The following CSMD1 variants were observed in gnomAD, a reference collection of about 807,000 sequenced individuals.
CSMD1 encodes CUB and sushi domain-containing protein 1.
In CSMD1, 213 loss-of-function variants were observed where a neutral mutation model predicts 417.5. The observed-to-expected ratio is 0.51, with a 90% CI of 0.46 to 0.57. The LOEUF (loss-of-function observed/expected upper bound fraction) is 0.57. Among genes scored for constraint, CSMD1 ranks in the 20% least tolerant of loss-of-function variants. The pLI is 0.00. For synonymous variants in CSMD1, 2,862 were observed against 1,736.8 expected (o/e 1.65, Z -16.11); for missense variants, 6,923 against 4,529.7 (o/e 1.53, Z -15.17).
Position 3,412,017 on chromosome 8 carries a change from TATACACAC to T in CSMD1, c.1562-2420_1562-2413del, listed in dbSNP as rs1331036281. ...GTGTATATACACGTATATATATACA[TATACACAC>T]GTATATATACACATATATACACGTA... On this transcript the variant is annotated intron_variant, in intron 12 of 69. Transcript: ENST00000635120. Among the ~76,000 whole-genome samples, 55 of 24,508 alleles carry T rather than the reference TATACACAC, an allele frequency of 2.2e-3. 18 individuals are homozygous for T. Among genetic ancestry groups the T allele is most frequent in the African/African-American group, 5.7e-3 (49 of 8,594 alleles). 16.1% of individuals were successfully genotyped at this position (24,508 alleles called of 152,430 possible).
At chr8:4,173,511 G>A (rs887341483) in intron 3 of CSMD1, among the ~76,000 whole-genome samples, 2 of 152,000 alleles carry the variant, frequency 1.3e-5, no homozygotes, top group Non-Finnish European at 2.9e-5. Flanking sequence ...TCGGTAGATG[G>A]GGATAAACAC....
At chr8:4,822,397 T>C (rs114571072) in intron 1 of CSMD1, among the ~76,000 whole-genome samples, 4 of 152,172 alleles carry the variant, frequency 2.6e-5, no homozygotes, top group Admixed American at 6.5e-5. Flanking sequence ...CTGGCCTAGT[T>C]TGATGATTTT....
intron 1 of CSMD1, among the ~76,000 whole-genome samples, chr8:4,724,712 C>A (rs1809300317): frequency 6.6e-6 from 1 of 152,014 alleles, no homozygotes; most frequent in Non-Finnish European, 1.5e-5. Flanking sequence ...AAAGATGTAT[C>A]TTGGTAAGAT....
chr8:3,988,417 C>G (rs919366254), intron 5 of CSMD1, among the ~76,000 whole-genome samples: 4 of 152,212 alleles, frequency 2.6e-5, no homozygotes, highest in African/African-American at 9.6e-5. Context: ...GGTTTTAGGT[C>G]TGTGTTTGTC....
intron 1 of CSMD1, among the ~76,000 whole-genome samples, chr8:4,773,987 G>A (rs1051850782): frequency 1.3e-5 from 2 of 152,164 alleles, no homozygotes; most frequent in African/African-American, 4.8e-5. Flanking sequence ...CCTCAGGTCA[G>A]GAGTTCAAGA....
intron 5 of CSMD1, among the ~76,000 whole-genome samples, chr8:3,857,909 G>C (rs982067371): frequency 2.6e-5 from 4 of 152,214 alleles, no homozygotes; most frequent in African/African-American, 2.4e-5. Context: ...CCTTAAAATT[G>C]ACCAGGCTTT....
rs151050708 is a variant in CSMD1, at chr8:4,267,561, G to T, written c.415+152392C>A. On this transcript the variant is annotated intron_variant, in intron 3 of 69. Coordinates refer to ENST00000635120, the MANE Select transcript of CSMD1 (RefSeq NM_033225.6). Reference sequence around the variant, plus strand: ...CTCCAATTGTAATAGAAATAGCAATGGTCACTGACACAATAAGTGACACAT... The same window carrying T: ...CTCCAATTGTAATAGAAATAGCAATTGTCACTGACACAATAAGTGACACAT... Among the ~76,000 whole-genome samples the T allele has an allele frequency of 9.0e-4, 136 of 151,776 alleles. 2 individuals are homozygous for T. Among genetic ancestry groups the T allele is most frequent in the Middle Eastern group, 3.4e-3 (1 of 292 alleles).
chr8:4,159,857 T>C (rs977817836), intron 3 of CSMD1, among the ~76,000 whole-genome samples: 2 of 152,012 alleles, frequency 1.3e-5, no homozygotes, highest in Non-Finnish European at 2.9e-5. Context: ...CTAAAGACCG[T>C]ATGTTCTCAC....
intron 7 of CSMD1, among the ~76,000 whole-genome samples, chr8:3,619,004 G>C (rs1802284901): frequency 1.3e-5 from 2 of 152,120 alleles, no homozygotes; most frequent in African/African-American, 2.4e-5. Flanking sequence ...TCTCTGGCTA[G>C]CAGCCATGAA....
rs186093820 is a variant in CSMD1, at chr8:4,195,714, T to C, written c.416-163615A>G. Among the ~76,000 whole-genome samples, 44 of 152,210 alleles carry C rather than the reference T, an allele frequency of 2.9e-4. No homozygotes were observed. The East Asian group carries it at 7.9e-3, about 27-fold the overall frequency. On this transcript the variant is annotated intron_variant, in intron 3 of 69. Coordinates refer to ENST00000635120, the MANE Select transcript of CSMD1 (RefSeq NM_033225.6). Reference sequence around the variant, plus strand: ...TCCACGCAGGGAGAAATTGTGGAAATGGCCCCCAGACAGCAAAACGTCGGG... The same window carrying C: ...TCCACGCAGGGAGAAATTGTGGAAACGGCCCCCAGACAGCAAAACGTCGGG...
intron 12 of CSMD1, among the ~76,000 whole-genome samples, chr8:3,431,504 C>G (rs547660509): frequency 1.3e-5 from 2 of 152,118 alleles, no homozygotes; most frequent in African/African-American, 2.4e-5. Flanking sequence ...CTGACCCATC[C>G]CATCCCCATG....
intron 3 of CSMD1, among the ~76,000 whole-genome samples, chr8:4,361,304 CTT>C (rs1385027727): frequency 7.9e-5 from 12 of 152,194 alleles, no homozygotes; most frequent in South Asian, 4.1e-4. Flanking sequence ...GATAAAGAAA[CTT>C]ATTTTTAAAA....
intron 3 of CSMD1, among the ~76,000 whole-genome samples, chr8:4,295,775 TATATATATATATAC>T (rs1278020259): frequency 0.038 from 1,798 of 46,922 alleles, 53 homozygotes; most frequent in South Asian, 0.11. Flanking sequence ...TATATATATA[TATATATATATATAC>T]ACACACACAT....
rs1554541647 is a variant in CSMD1 at position 3,407,176 on chromosome 8, T to TC, written c.2071+722_2071+723insG. On this transcript the variant is annotated intron_variant, in intron 14 of 69. Transcript: ENST00000635120. ...ATGGATGGACAGATGGAAGGATGGA[T>TC]AATGGAAGGATATGGATGAATGGAT... 1.3e-5 allele frequency among the ~76,000 whole-genome samples: 2 copies of TC among 151,136 alleles called. 1 individual carries two copies. Among genetic ancestry groups the TC allele is most frequent in the Middle Eastern group, 6.9e-3 (2 of 290 alleles).
At chr8:3,067,488 T>A (rs1585266072) in intron 49 of CSMD1, among the ~76,000 whole-genome samples, 1 of 151,982 alleles carries the variant, frequency 6.6e-6, no homozygotes, top group East Asian at 1.9e-4. Flanking sequence ...TTTCTCCAGG[T>A]CCACACAGAC....
At position 3,118,558 on chromosome 8, in the gene CSMD1, G is replaced by A. The variant is rs1049387931; in HGVS notation, c.6271C>T (p.Pro2091Ser). Residue 2091 changes from proline (P) to serine (S), a missense_variant, in exon 42 of 70, where the codon CCC (proline) becomes TCC (serine). Transcript: ENST00000635120. ...ATCATGTACCCATTCTGAAATGGGG[G>A]TGGATCTGGACAGTTCTGTAATTCA... is the stretch of plus-strand genomic sequence containing the variant. ...AYELQNCPDP[P>S]PFQNGYMINS... 1.1e-5 allele frequency: 17 copies of A among 1,613,908 alleles called. No homozygotes were observed. Among genetic ancestry groups the A allele is most frequent in the Non-Finnish European group, 1.4e-5 (17 of 1,179,842 alleles).
intron 3 of CSMD1, among the ~76,000 whole-genome samples, chr8:4,228,581 T>G (rs1369260113): frequency 7.3e-6 from 1 of 137,282 alleles, no homozygotes; most frequent in East Asian, 2.2e-4. Context: ...TTCTCTTCTC[T>G]GTCAGATCTT....
rs1294914552 is a variant in CSMD1, at chr8:4,994,421, G to A, written c.-5C>T. The stretch of plus-strand genomic sequence containing the variant: ...GAATCTCCTCCACGCAGTCATGTCT[G>A]CAGATACTCCACACGCACGCGACAC... On this transcript the variant is annotated 5_prime_UTR_variant, in exon 1 of 70. Coordinates refer to ENST00000635120, the MANE Select transcript of CSMD1 (RefSeq NM_033225.6). 2 of 1,610,844 alleles carry A rather than the reference G, an allele frequency of 1.2e-6. No individual in the cohort carries two copies. The highest frequency in any genetic ancestry group is 1.3e-5 in the African/African-American group (1 of 74,920).
chr8:4,555,070 T>C (rs1317111968), intron 2 of CSMD1, among the ~76,000 whole-genome samples: 1 of 152,198 alleles, frequency 6.6e-6, no homozygotes, highest in African/African-American at 2.4e-5. Flanking sequence ...AAGTAGGCCA[T>C]GGCAGGAATT....
Sources: allele counts gnomAD v4.1 joint callset (sites outside exome capture counted in the v4.1 genomes callset), GRCh38; gene constraint gnomAD v4.1.1; transcripts MANE v1.5; gene names NCBI Gene and HGNC (gene_info 2026-07-23, HGNC 2026-07-21).